Variants in PPP1R7 observed in about 807,000 individuals in gnomAD.
PPP1R7 encodes protein phosphatase 1 regulatory subunit 22.
A neutral mutation model predicts 45.2 loss-of-function variants in PPP1R7; 18 were observed. The observed-to-expected ratio is 0.40, with a 90% CI of 0.28 to 0.59. The LOEUF is 0.59. Ranked by LOEUF, PPP1R7 falls within the 20% of genes least tolerant of loss-of-function variation. The pLI, the probability that PPP1R7 is intolerant of heterozygous loss-of-function variation, is 0.46. For synonymous variants in PPP1R7, 181 were observed against 183.4 expected (o/e 0.99, Z 0.11); for missense variants, 314 against 455.8 (o/e 0.69, Z 2.83).
At chr2:241,164,191 T>G (rs2067657617) in intron 7 of PPP1R7, among the ~76,000 whole-genome samples, 1 of 152,166 alleles carries the variant, frequency 6.6e-6, no homozygotes, top group South Asian at 2.1e-4. Context: ...AATTTCTTTC[T>G]TAAGTGCCAT....
At chr2:241,156,984 G>A (rs1435392507) in intron 2 of PPP1R7, among the ~76,000 whole-genome samples, 3 of 152,164 alleles carry the variant, frequency 2.0e-5, no homozygotes, top group Non-Finnish European at 2.9e-5. Flanking sequence ...GTGTGCATCT[G>A]TGTGTGTCTT....
chr2:241,161,121 T>C (rs13010365), intron 6 of PPP1R7, among the ~76,000 whole-genome samples: 77 of 128,596 alleles, frequency 6.0e-4, no homozygotes, highest in Admixed American at 5.3e-4. Flanking sequence ...TTGGAGTGAA[T>C]TGATGTACAT....
At chr2:241,164,215 T>TCCAC (rs2067658071) in intron 7 of PPP1R7, among the ~76,000 whole-genome samples, 1 of 152,184 alleles carries the variant, frequency 6.6e-6, no homozygotes, top group Non-Finnish European at 1.5e-5. Flanking sequence ...TTTGGCTTTT[T>TCCAC]CCACCCACCC....
chr2:241,173,833 G>A (rs575954904), intron 9 of PPP1R7, among the ~76,000 whole-genome samples: 1 of 151,746 alleles, frequency 6.6e-6, no homozygotes, highest in African/African-American at 2.4e-5. Flanking sequence ...ATCTGTAGTA[G>A]CCTATCTGCT....
intron 9 of PPP1R7, among the ~76,000 whole-genome samples, chr2:241,172,183 C>CT (rs2067828729): frequency 6.8e-6 from 1 of 147,350 alleles, no homozygotes; most frequent in African/African-American, 2.5e-5. Context: ...TATTTTAACT[C>CT]TATTATTGGC....
At chr2:241,171,683 C>T (rs1357135205) in intron 9 of PPP1R7, among the ~76,000 whole-genome samples, 1 of 152,192 alleles carries the variant, frequency 6.6e-6, no homozygotes, top group Non-Finnish European at 1.5e-5. Context: ...CCTTTCAGTT[C>T]CATCAGTTTT....
At chr2:241,164,419 C>T (rs1215165507) in intron 7 of PPP1R7, among the ~76,000 whole-genome samples, 3 of 152,212 alleles carry the variant, frequency 2.0e-5, no homozygotes, top group South Asian at 2.1e-4. Flanking sequence ...TGTGCCTAGG[C>T]TCCTGTTTAC....
At position 241,159,242 on chromosome 2, in the gene PPP1R7, A is replaced by C. The variant is rs377505956; in HGVS notation, c.333A>C (p.Lys111Asn). ...KTLCLRQNLIKCIENLEELQS... is the reference protein window; with the variant it reads ...KTLCLRQNLINCIENLEELQS... ...TCTGCCTCCGCCAAAATTTAATTAA[A>C]TGCATTGAGAATCTGGAGGAGCTAC... The change falls in exon 5 of 10, where the codon AAA (lysine) becomes AAC (asparagine). Residue 111 changes from lysine (K) to asparagine (N), a missense_variant. By Grantham distance (94) the Lys-to-Asn change is moderately conservative. Transcript: ENST00000234038. The C allele has an allele frequency of 4.3e-6, 7 of 1,613,348 alleles. No individual in the cohort carries two copies. Among genetic ancestry groups the C allele is most frequent in the Non-Finnish European group, 5.9e-6 (7 of 1,179,622 alleles).
chr2:241,153,510 TGAA>T lies in PPP1R7; in HGVS notation c.92_94del (p.Glu31del). 1 of 1,614,148 alleles carries T rather than the reference TGAA, an allele frequency of 6.2e-7. No individual in the cohort carries two copies. The highest frequency in any genetic ancestry group is 8.5e-7 in the Non-Finnish European group (1 of 1,180,028). On this transcript the variant is annotated inframe_deletion, in exon 2 of 10. Coordinates refer to ENST00000234038, the MANE Select transcript of PPP1R7 (RefSeq NM_002712.3). ...GGGTCGAGTCTGAAGAATCCGGCGA[TGAA>T]GAAGGGAAGAAACACAGCAGTGGCA...
chr2:241,179,192 TCAG>T (rs1437149639), intron 9 of PPP1R7, among the ~76,000 whole-genome samples: 4 of 152,156 alleles, frequency 2.6e-5, no homozygotes, highest in African/African-American at 9.7e-5. Context: ...GGGCAAGGGA[TCAG>T]CTGCTGAGAT....
Position 241,158,851 on chromosome 2 carries a change from C to T in PPP1R7, c.303+302C>T, listed in dbSNP as rs2067520001. 10 of 444,816 alleles carry T rather than the reference C, an allele frequency of 2.2e-5. No homozygotes were observed. The South Asian group carries it at 2.9e-4, about 13-fold the overall frequency. 27.6% of individuals were successfully genotyped at this position (444,816 alleles called of 1,614,324 possible). ...TAGGCACTCGCTGACTTTTACAGTC[C>T]TCCGTGCCTCTCATTGGAATTTGTC... On this transcript the variant is annotated intron_variant, in intron 4 of 9. Transcript: ENST00000234038.
chr2:241,159,056 C>G, intron 4 of PPP1R7, 157 bp from the exon 5 acceptor site: 2 of 901,176 alleles, frequency 2.2e-6, no homozygotes, highest in Non-Finnish European at 3.4e-6. Flanking sequence ...CCTTGCCCAC[C>G]TGCCTCTCAA....
At chr2:241,150,169 G>A (rs10164897), upstream of PPP1R7, 7,422 of 1,271,028 alleles carry the variant, frequency 5.8e-3, 335 homozygotes, top group African/African-American at 0.099. Flanking sequence ...AGCCCAGGGC[G>A]TCTCTCCACT....
At chr2:241,158,261 G>T (rs1481938709) in intron 3 of PPP1R7, among the ~76,000 whole-genome samples, 3 of 152,180 alleles carry the variant, frequency 2.0e-5, no homozygotes, top group African/African-American at 7.2e-5. Flanking sequence ...ATGAGAAAAA[G>T]ATGTCATGTA....
At chr2:241,162,856 T>C (rs1338096485) in intron 6 of PPP1R7, among the ~76,000 whole-genome samples, 3 of 152,094 alleles carry the variant, frequency 2.0e-5, no homozygotes. Context: ...CTAATTTTTT[T>C]GTATTTTTAA....
At chr2:241,149,582 C>T (rs1388168300), upstream of PPP1R7, 16 of 1,443,468 alleles carry the variant, frequency 1.1e-5, no homozygotes, top group East Asian at 2.5e-5. Flanking sequence ...TCTAGAAGCC[C>T]GCGCTAAGGG....
intron 9 of PPP1R7, among the ~76,000 whole-genome samples, chr2:241,181,205 A>G (rs1375424671): frequency 6.6e-6 from 1 of 152,130 alleles, no homozygotes; most frequent in South Asian, 2.1e-4. Context: ...CTCAAAAAAA[A>G]GAAAATAGGG....
rs780033191 is a variant in PPP1R7, at chr2:241,153,541, G to A, written c.118G>A (p.Val40Met). ...AGGGAAGAAACACAGCAGTGGCATC[G>A]TGGCCGACCTCAGTGAACAGAGCCT... Reference protein sequence around the residue: ...EEGKKHSSGIVADLSEQSLKD... With the variant: ...EEGKKHSSGIMADLSEQSLKD... The change falls in exon 2 of 10, where the codon GTG becomes ATG. Residue 40 changes from valine to methionine, a missense_variant. Transcript: ENST00000234038. The A allele has an allele frequency of 5.7e-5, 92 of 1,614,074 alleles. No individual in the cohort carries two copies. Among genetic ancestry groups the A allele is most frequent in the Non-Finnish European group, 6.9e-5 (81 of 1,180,050 alleles).
At chr2:241,178,168 C>G (rs923499659) in intron 9 of PPP1R7, among the ~76,000 whole-genome samples, 1 of 152,214 alleles carries the variant, frequency 6.6e-6, no homozygotes, top group Non-Finnish European at 1.5e-5. Context: ...CTGTGTGCCT[C>G]CCTCCCAGCA....
Sources: allele counts gnomAD v4.1 joint callset (sites outside exome capture counted in the v4.1 genomes callset), GRCh38; gene constraint gnomAD v4.1.1; transcripts MANE v1.5; gene names NCBI Gene and HGNC (gene_info 2026-07-23, HGNC 2026-07-21).